Variants in PTPRR observed in about 807,000 individuals in gnomAD.
PTPRR encodes protein tyrosine phosphatase receptor type R, also known as receptor-type tyrosine-protein phosphatase R.
A neutral mutation model predicts 77.2 loss-of-function variants in PTPRR; 38 were observed. That is an observed-to-expected ratio of 0.49 (90% CI 0.38 to 0.65). The LOEUF is 0.65. Among genes scored for constraint, PTPRR ranks in the 30% least tolerant of loss-of-function variants. The pLI is 0.00. For missense variants in PTPRR, 744 were observed against 799.2 expected (o/e 0.93, Z 0.83); for synonymous variants, 299 against 283.1 (o/e 1.06, Z -0.57).
intron 12 of PTPRR, among the ~76,000 whole-genome samples, chr12:70,658,536 C>T (rs1201860241): frequency 6.6e-6 from 1 of 151,958 alleles, no homozygotes; most frequent in Non-Finnish European, 1.5e-5. Flanking sequence ...AGAGAATATT[C>T]TAGGTACGAC....
intron 3 of PTPRR, among the ~76,000 whole-genome samples, 159 bp from the exon 4 acceptor site, chr12:70,761,785 A>T (rs1001329469): frequency 5.3e-5 from 8 of 152,210 alleles, no homozygotes; most frequent in African/African-American, 1.9e-4. Context: ...GATAGACTTA[A>T]TGTTACCAGT....
intron 2 of PTPRR, among the ~76,000 whole-genome samples, chr12:70,851,353 A>G (rs1892569043): frequency 6.6e-6 from 1 of 152,194 alleles, no homozygotes. Context: ...AATATTCTAA[A>G]AGACAAACCA....
chr12:70,831,129 A>G (rs1892204639), intron 2 of PTPRR, among the ~76,000 whole-genome samples: 1 of 152,214 alleles, frequency 6.6e-6, no homozygotes, highest in Non-Finnish European at 1.5e-5. Flanking sequence ...AGTTCCTTAG[A>G]ACATTAGTGA....
intron 1 of PTPRR, among the ~76,000 whole-genome samples, chr12:70,911,771 C>G (rs1893704420): frequency 7.6e-6 from 1 of 131,914 alleles, no homozygotes; most frequent in South Asian, 2.3e-4. Context: ...AAAAAAACCA[C>G]TCAGAATCCA....
In PTPRR at chr12:70,657,116, T is replaced by C. The variant is rs1457267577; in HGVS notation, c.1767-299A>G. Among the ~76,000 whole-genome samples the C allele has an allele frequency of 4.6e-5, 7 of 151,790 alleles. No individual in the cohort carries two copies. The East Asian group carries it at 1.4e-3, about 29-fold the overall frequency. ...CTGCACTTAGGCAAGATACAGGCAG[T>C]AGAAAGGAGGGGGAAGATTTAGGCA... On this transcript the variant is annotated intron_variant, in intron 12 of 13. Coordinates refer to ENST00000283228, the MANE Select transcript of PTPRR (RefSeq NM_002849.4).
chr12:70,869,816 G>A (rs1351654175), intron 2 of PTPRR, among the ~76,000 whole-genome samples: 2 of 152,180 alleles, frequency 1.3e-5, no homozygotes, highest in African/African-American at 4.8e-5. Flanking sequence ...GAAGGAATTA[G>A]CCTTGTAGAC....
chr12:70,654,397 G>A (rs554358297), intron 13 of PTPRR, among the ~76,000 whole-genome samples: 6 of 152,188 alleles, frequency 3.9e-5, no homozygotes, highest in Non-Finnish European at 8.8e-5. Flanking sequence ...GGGCAACATG[G>A]CAAAGCCCCA....
At position 70,821,955 on chromosome 12, in the gene PTPRR, C is replaced by T. The variant is rs144626189; in HGVS notation, c.358-57177G>A. ...CTGGGATTACAGGCATGAGCCACCA[C>T]GCCCGGCCGAAACCTATGTATTTAT... On this transcript the variant is annotated intron_variant, in intron 2 of 13. Coordinates refer to ENST00000283228, the MANE Select transcript of PTPRR (RefSeq NM_002849.4). 3.9e-3 allele frequency among the ~76,000 whole-genome samples: 591 copies of T among 152,268 alleles called. 3 individuals are homozygous for T. The highest frequency in any genetic ancestry group is 6.9e-3 in the Non-Finnish European group (468 of 68,022).
At chr12:70,719,541 A>T (rs937425592) in intron 6 of PTPRR, among the ~76,000 whole-genome samples, 2 of 152,160 alleles carry the variant, frequency 1.3e-5, no homozygotes, top group African/African-American at 2.4e-5. Context: ...AAGGGCAAAA[A>T]AAAAAATCAT....
intron 2 of PTPRR, among the ~76,000 whole-genome samples, chr12:70,768,618 C>A (rs563578703): frequency 2.6e-5 from 4 of 152,216 alleles, no homozygotes; most frequent in South Asian, 2.1e-4. Context: ...GAAACTATTC[C>A]AATCAATAGA....
intron 5 of PTPRR, among the ~76,000 whole-genome samples, chr12:70,748,445 T>C (rs1372981631): frequency 2.6e-5 from 4 of 152,210 alleles, no homozygotes; most frequent in African/African-American, 9.6e-5. Flanking sequence ...AAACTCAACC[T>C]AAAAGCTTAC....
At chr12:70,805,577 T>C (rs1294208857) in intron 2 of PTPRR, among the ~76,000 whole-genome samples, 1 of 152,144 alleles carries the variant, frequency 6.6e-6, no homozygotes, top group Admixed American at 6.6e-5. Context: ...CCCAGGCTGG[T>C]TGTAAACTCC....
chr12:70,851,821 A>G (rs1892576123), intron 2 of PTPRR, among the ~76,000 whole-genome samples: 1 of 152,252 alleles, frequency 6.6e-6, no homozygotes, highest in Non-Finnish European at 1.5e-5. Context: ...AAAGAAGTAC[A>G]CGCTGGAATT....
intron 7 of PTPRR, among the ~76,000 whole-genome samples, chr12:70,700,915 T>C (rs538248620): frequency 1.5e-4 from 23 of 152,304 alleles, no homozygotes; most frequent in Non-Finnish European, 2.8e-4. Flanking sequence ...ATACCACTTA[T>C]TTGCCTCACC....
chr12:70,652,311 A>G (rs1188649757), intron 13 of PTPRR, among the ~76,000 whole-genome samples: 1 of 152,184 alleles, frequency 6.6e-6, no homozygotes, highest in Non-Finnish European at 1.5e-5. Context: ...ATAATGTGGG[A>G]GAAAAAGAAG....
chr12:70,863,564 G>A (rs1332104902), intron 2 of PTPRR, among the ~76,000 whole-genome samples: 1 of 151,918 alleles, frequency 6.6e-6, no homozygotes, highest in African/African-American at 2.4e-5. Context: ...ATATAAGTAT[G>A]TCATCTTTTT....
At chr12:70,771,979 A>T (rs1890987933) in intron 2 of PTPRR, among the ~76,000 whole-genome samples, 1 of 152,188 alleles carries the variant, frequency 6.6e-6, no homozygotes, top group South Asian at 2.1e-4. Flanking sequence ...AAAAAATCTA[A>T]ATATTAAAGA....
rs146402052 is a variant in PTPRR at position 70,690,873 on chromosome 12, G to A, written c.1280-6090C>T. Among the ~76,000 whole-genome samples the A allele has an allele frequency of 9.1e-4, 139 of 152,130 alleles. No homozygotes were observed. The East Asian group carries it at 0.013, about 15-fold the overall frequency. On this transcript the variant is annotated intron_variant, in intron 8 of 13. Transcript: ENST00000283228. ...TTGCATACATTAATATTACTAATTC[G>A]TCTCTTTATGATTTCTTTGACCTGG...
At chr12:70,851,551 T>G (rs1012161277) in intron 2 of PTPRR, among the ~76,000 whole-genome samples, 6 of 152,128 alleles carry the variant, frequency 3.9e-5, no homozygotes, top group Admixed American at 3.3e-4. Flanking sequence ...TTCTGCAATC[T>G]GAAAACAGAG....
Sources: gnomAD v4.1 joint callset for allele counts (sites outside exome capture counted in the v4.1 genomes callset) on GRCh38, gnomAD v4.1.1 for gene constraint, MANE v1.5 for transcripts, NCBI Gene and HGNC (gene_info 2026-07-23, HGNC 2026-07-21) for gene names.